GALNT9: variants seen among roughly 807,000 people sequenced by gnomAD.
GALNT9 encodes GalNAc transferase 9.
A neutral mutation model predicts 63.1 loss-of-function variants in GALNT9; 47 were observed. The ratio of observed to expected loss-of-function variants is 0.75; its 90% CI spans 0.59 to 0.95. The LOEUF (loss-of-function observed/expected upper bound fraction) is 0.95, where lower values mean the gene tolerates loss of function less well. Ranked by LOEUF, GALNT9 falls within the 40% of genes least tolerant of loss-of-function variation. GALNT9 has a pLI of 0.00. For synonymous variants in GALNT9, 396 were observed against 365.7 expected, an observed-to-expected ratio of 1.08 and a Z score of -0.94; for missense variants, 829 against 874.8, an observed-to-expected ratio of 0.95 and a Z score of 0.66.
rs1247018666 is a variant in GALNT9, at chr12:132,319,037, G to A, written c.238+9929C>T. 1.3e-5 allele frequency among the ~76,000 whole-genome samples: 2 copies of A among 152,250 alleles called. No individual in the cohort carries two copies. The highest frequency in any genetic ancestry group is 2.9e-5 in the Non-Finnish European group (2 of 68,044). On this transcript the variant is annotated intron_variant, in intron 1 of 10. Transcript: ENST00000328957. This position sits in a 1 kb window ranked among gnomAD's most constrained non-coding sequence, Gnocchi z 5.2. The stretch of plus-strand genomic sequence containing the variant: ...TCGGCAGCGACTCTCTGGGAGGGAG[G>A]AGCAGAGACAGACCTGGGTGTCCGT...
At chr12:132,302,944 A>G (rs1881356565) in intron 1 of GALNT9, among the ~76,000 whole-genome samples, 1 of 149,592 alleles carries the variant, frequency 6.7e-6, no homozygotes, top group African/African-American at 2.5e-5. Flanking sequence ...TTCTATGCAG[A>G]GGGACCACTC....
intron 5 of GALNT9, among the ~76,000 whole-genome samples, chr12:132,248,595 G>C (rs1878801799): frequency 6.6e-6 from 1 of 152,202 alleles, no homozygotes; most frequent in African/African-American, 2.4e-5. Flanking sequence ...CTGTGTATCA[G>C]GAGCCAGGAC....
chr12:132,316,955 C>T lies in GALNT9; in HGVS notation c.238+12011G>A, dbSNP rs1025340104. 7.0e-6 allele frequency among the ~76,000 whole-genome samples: 1 copy of T among 142,386 alleles called. No homozygotes were observed. The highest frequency in any genetic ancestry group is 7.1e-5 in the Admixed American group (1 of 14,134). The allele number at this position is 142,386 out of a possible 152,430, so 93.4% of individuals were successfully genotyped here. ...CCTACACCCCACAGAGCACAGCCTGCACCCTACACCCCACGGAGCATGGTC... is the reference window on the plus strand; with the variant it reads ...CCTACACCCCACAGAGCACAGCCTGTACCCTACACCCCACGGAGCATGGTC... On this transcript the variant is annotated intron_variant, in intron 1 of 10. Coordinates refer to ENST00000328957, the MANE Select transcript of GALNT9 (RefSeq NM_001122636.2). The surrounding 1 kb of genome is among the most constrained non-coding windows in gnomAD (Gnocchi z 4.3).
At chr12:132,214,654 C>T (rs1877112023) in intron 6 of GALNT9, among the ~76,000 whole-genome samples, 1 of 152,210 alleles carries the variant, frequency 6.6e-6, no homozygotes, top group Non-Finnish European at 1.5e-5. Context: ...TGGCCACATC[C>T]CCCTCATACC....
intron 2 of GALNT9, among the ~76,000 whole-genome samples, chr12:132,264,402 G>A (rs1204752413): frequency 6.6e-6 from 1 of 152,256 alleles, no homozygotes; most frequent in African/African-American, 2.4e-5. Context: ...GGGGGCTGGT[G>A]GCTCATCCGT....
rs1232083552 is a variant in GALNT9, at chr12:132,310,618, T to C, written c.238+18348A>G. Among the ~76,000 whole-genome samples, 1 of 152,176 alleles carries C rather than the reference T, an allele frequency of 6.6e-6. No individual in the cohort carries two copies. Among genetic ancestry groups the C allele is most frequent in the Non-Finnish European group, 1.5e-5 (1 of 68,018 alleles). ...TGTGATTTTTCAACTTGGAAGGAAG[T>C]GGGCTTTCAAGCTCCCAGCTTCTCT... On this transcript the variant is annotated intron_variant, in intron 1 of 10. Transcript: ENST00000328957. The surrounding 1 kb of genome is among the most constrained non-coding windows in gnomAD (Gnocchi z 4.8).
At chr12:132,299,883 A>C (rs1220205156) in intron 1 of GALNT9, among the ~76,000 whole-genome samples, 9 of 138,450 alleles carry the variant, frequency 6.5e-5, no homozygotes, top group East Asian at 4.7e-4. Context: ...TCCCATAACT[A>C]ACCCACTCCC....
chr12:132,275,154 TG>T (rs1278045577), intron 2 of GALNT9: 2 of 152,410 alleles, frequency 1.3e-5, no homozygotes, highest in African/African-American at 4.8e-5. Context: ...GTGTCTAGGC[TG>T]TCCTTGCCAG....
chr12:132,289,933 A>C (rs1217503969), intron 1 of GALNT9, among the ~76,000 whole-genome samples: 1 of 152,216 alleles, frequency 6.6e-6, no homozygotes, highest in East Asian at 1.9e-4. Flanking sequence ...TGAGCCCAGC[A>C]CTGGGCGTGC....
intron 6 of GALNT9, among the ~76,000 whole-genome samples, chr12:132,243,934 A>T (rs1878584745): frequency 6.6e-6 from 1 of 152,050 alleles, no homozygotes; most frequent in Non-Finnish European, 1.5e-5. Context: ...CACACCCCAC[A>T]AGAAAGAAAG....
At chr12:132,285,426 T>C (rs1880549708) in intron 2 of GALNT9, among the ~76,000 whole-genome samples, 1 of 152,224 alleles carries the variant, frequency 6.6e-6, no homozygotes, top group Non-Finnish European at 1.5e-5. Context: ...CCAATTAATC[T>C]GGCGCTTGTC....
chr12:132,295,496 G>A (rs782585442), intron 1 of GALNT9, among the ~76,000 whole-genome samples: 3 of 152,240 alleles, frequency 2.0e-5, no homozygotes, highest in African/African-American at 4.8e-5. Context: ...TGCGGGAGTC[G>A]GGTGGGCTCT....
chr12:132,263,077 C>A (rs1879465194), intron 2 of GALNT9, among the ~76,000 whole-genome samples: 1 of 152,110 alleles, frequency 6.6e-6, no homozygotes, highest in Non-Finnish European at 1.5e-5. Flanking sequence ...ATTCCAACCC[C>A]AGCCATCAGC....
intron 2 of GALNT9, among the ~76,000 whole-genome samples, chr12:132,270,358 T>A (rs184929578): frequency 2.5e-3 from 386 of 152,262 alleles, no homozygotes; most frequent in African/African-American, 8.9e-3. Context: ...CGGCACAGAA[T>A]CCTGCAGGCT....
At position 132,197,894 on chromosome 12, in the gene GALNT9, A is replaced by G; in HGVS notation, c.1563T>C (p.Pro521=). ...LGPLGSTAFL[P]DSKCLVDDGT... is the part of the protein sequence containing the mutation. ...CGTCATCCACCAGACACTTGGAGTC[A>G]GGCAAGAAGGCTGTGGAGCCCAGAG... Residue 521 remains proline (P), a synonymous_variant, in exon 10 of 11, where the codon CCT becomes CCC. Coordinates refer to ENST00000328957, the MANE Select transcript of GALNT9 (RefSeq NM_001122636.2). 6.2e-7 allele frequency: 1 copy of G among 1,611,592 alleles called. No individual in the cohort carries two copies. Among genetic ancestry groups the G allele is most frequent in the Non-Finnish European group, 8.5e-7 (1 of 1,179,272 alleles).
chr12:132,226,589 TACAC>T (rs1877698574), intron 6 of GALNT9, among the ~76,000 whole-genome samples: 2 of 98,828 alleles, frequency 2.0e-5, no homozygotes, highest in African/African-American at 4.1e-5. Flanking sequence ...CCCACACACA[TACAC>T]ACCACACACC....
At chr12:132,230,453 A>G (rs1024437140) in intron 6 of GALNT9, among the ~76,000 whole-genome samples, 2 of 152,252 alleles carry the variant, frequency 1.3e-5, no homozygotes, top group African/African-American at 4.8e-5. Context: ...GTTCGCTGCC[A>G]GATCGACGGG....
In GALNT9 at chr12:132,260,986, G is replaced by A. The variant is rs1265541883; in HGVS notation, c.723C>T (p.Val241=). 48 of 1,547,754 alleles carry A rather than the reference G, an allele frequency of 3.1e-5. No homozygotes were observed. The highest frequency in any genetic ancestry group is 6.0e-5 in the Admixed American group (3 of 49,934). The change falls in exon 4 of 11, where the codon GTC becomes GTT. Residue 241 remains valine (V), a synonymous_variant. Transcript: ENST00000328957. ...QGWKAATAPV[V]GFFDAHVEFN... The stretch of plus-strand genomic sequence containing the variant: ...ACTCGACGTGGGCATCAAAGAAGCC[G>A]ACGACTGGGGCGGTGGCCGCCTTCC...
rs1430620616 is a variant in GALNT9, at chr12:132,238,564, G to T, written c.1077+9346C>A. Among the ~76,000 whole-genome samples, 1 of 152,154 alleles carries T rather than the reference G, an allele frequency of 6.6e-6. No homozygotes were observed. The highest frequency in any genetic ancestry group is 1.9e-4 in the East Asian group (1 of 5,188). ...CGGGGCCGTGGCATGGGGAGGGGCT[G>T]CCCTAGGGATGGGGACTCCTGGCCT... is the stretch of plus-strand genomic sequence containing the variant. On this transcript the variant is annotated intron_variant, in intron 6 of 10. Transcript: ENST00000328957. This position sits in a 1 kb window ranked among gnomAD's most constrained non-coding sequence, Gnocchi z 6.5.
Sources: allele counts gnomAD v4.1 joint callset (sites outside exome capture counted in the v4.1 genomes callset), GRCh38; gene constraint gnomAD v4.1.1; non-coding constraint Gnocchi (gnomAD v3.1); transcripts MANE v1.5; gene names NCBI Gene and HGNC (gene_info 2026-07-23, HGNC 2026-07-21).